CUX1: variants seen among roughly 807,000 people sequenced by gnomAD.
CUX1 encodes cut like homeobox 1.
Under a neutral mutation model 158.8 loss-of-function variants are expected in CUX1, and 31 were observed. The observed-to-expected ratio is 0.20, with a 90% CI of 0.15 to 0.26. The LOEUF is 0.26. Ranked by LOEUF, CUX1 falls within the 10% of genes least tolerant of loss-of-function variation. The pLI is 1.00. For missense variants in CUX1, 1,589 were observed against 2,014.6 expected (o/e 0.79, Z 4.04); for synonymous variants, 879 against 862.1 (o/e 1.02, Z -0.34).
chr7:102,080,809 C>G (rs1215352451), intron 4 of CUX1, among the ~76,000 whole-genome samples: 1 of 152,186 alleles, frequency 6.6e-6, no homozygotes, highest in Non-Finnish European at 1.5e-5. Context: ...ACCAGCACTT[C>G]CTTCAGAGTG....
chr7:101,925,454 G>C (rs187702402), intron 2 of CUX1, among the ~76,000 whole-genome samples: 1 of 152,294 alleles, frequency 6.6e-6, no homozygotes. Context: ...GGGGTGAGGG[G>C]ATAGAGGAAT....
rs1433869174 is a variant in CUX1, at chr7:102,255,630, G to A, written c.*6588G>A. 1.0e-6 allele frequency: 1 copy of A among 985,228 alleles called. No individual in the cohort carries two copies. The highest frequency in any genetic ancestry group is 1.7e-5 in the African/African-American group (1 of 57,200). The allele number at this position is 985,228 out of a possible 1,614,324, so 61.0% of individuals were successfully genotyped here. A position where few individuals can be genotyped will look rare whatever the true frequency, so the allele number is the denominator to read the frequency against. On this transcript the variant is annotated 3_prime_UTR_variant, in exon 24 of 24. Transcript: ENST00000292535. ...CTATATGCTATGTATCAAGCTTTCT[G>A]TAATCAGAAAGAAAAGGTGCCTTAT...
In CUX1 at chr7:101,865,790, CAGGCACAATGGT is replaced by C. The variant is rs1349814841; in HGVS notation, c.30+48125_30+48136del. ...CGTTTTATGGTTTGTTGAGTGAAAG[CAGGCACAATGGT>C]AGGTAGTGGGTACTGGAGCAAATGA... is the stretch of plus-strand genomic sequence containing the variant. On this transcript the variant is annotated intron_variant, in intron 1 of 23. Transcript: ENST00000292535. 9.8e-5 allele frequency among the ~76,000 whole-genome samples: 15 copies of C among 152,332 alleles called. No individual in the cohort carries two copies. In the East Asian group the frequency reaches 2.3e-3, roughly 23 times the overall value.
At chr7:101,839,910 C>T (rs1374051020) in intron 1 of CUX1, among the ~76,000 whole-genome samples, 5 of 152,064 alleles carry the variant, frequency 3.3e-5, no homozygotes, top group Admixed American at 1.3e-4. Flanking sequence ...TACAGGCATG[C>T]GCCACCACAC....
intron 10 of CUX1, among the ~76,000 whole-genome samples, chr7:102,174,736 G>T (rs1792116071): frequency 6.6e-6 from 1 of 152,196 alleles, no homozygotes; most frequent in Non-Finnish European, 1.5e-5. Context: ...ACAAGGTCAG[G>T]AGTTCGAGAC....
chr7:102,272,037 A>T (rs1300879187), intron 14 of CUX1, among the ~76,000 whole-genome samples: 2 of 152,154 alleles, frequency 1.3e-5, no homozygotes, highest in Non-Finnish European at 2.9e-5. Context: ...AATAAAATAA[A>T]ATAAATCCAT....
intron 9 of CUX1, among the ~76,000 whole-genome samples, chr7:102,158,944 C>T (rs539837806): frequency 1.2e-4 from 19 of 152,354 alleles, no homozygotes; most frequent in Middle Eastern, 6.8e-3. Flanking sequence ...GTAGACATCT[C>T]ACCATGGAAT....
chr7:102,097,222 G>A, intron 4 of CUX1, 142 bp from the exon 5 acceptor site: 1 of 963,844 alleles, frequency 1.0e-6, no homozygotes, highest in Non-Finnish European at 1.5e-6. Context: ...CAGCAAGGGG[G>A]CTGGCTGCAG....
intron 20 of CUX1, among the ~76,000 whole-genome samples, chr7:102,217,935 G>A (rs1326917820): frequency 6.6e-6 from 1 of 152,146 alleles, no homozygotes; most frequent in Non-Finnish European, 1.5e-5. Context: ...AGAGAGGGAG[G>A]CTCCGGATGG....
At chr7:102,134,816 A>C (rs1353517056) in intron 8 of CUX1, among the ~76,000 whole-genome samples, 1 of 151,694 alleles carries the variant, frequency 6.6e-6, no homozygotes, top group Non-Finnish European at 1.5e-5. Flanking sequence ...GGCTGGTCTC[A>C]AACTCCTGGG....
chr7:102,124,027 G>T (rs1832349480), intron 8 of CUX1, among the ~76,000 whole-genome samples: 1 of 152,150 alleles, frequency 6.6e-6, no homozygotes. Flanking sequence ...TTCACAGACT[G>T]TCACCTGGGT....
Position 102,204,413 on chromosome 7 carries a change from G to C in CUX1, c.2930G>C (p.Ser977Thr). 6.2e-7 allele frequency: 1 copy of C among 1,613,558 alleles called. No individual in the cohort carries two copies. Among genetic ancestry groups the C allele is most frequent in the Non-Finnish European group, 8.5e-7 (1 of 1,180,026 alleles). ...CAGGTGCTGGGCCTGTCCCAGGGCA[G>C]CGTCAGCGACATGCTGTCCCGACCG... is the stretch of plus-strand genomic sequence containing the variant. ...GEKVLGLSQG[S>T]VSDMLSRPKP... Residue 977 changes from serine to threonine, a missense_variant, in exon 19 of 24, where the codon AGC becomes ACC. Physicochemically the swap from Ser to Thr is moderately conservative, Grantham distance 58. Around this residue, in one of 8 missense-constraint regions of CUX1, gnomAD observed 29 missense variants for 66.6 expected, o/e 0.44. Coordinates refer to ENST00000292535, the MANE Select transcript of CUX1 (RefSeq NM_181552.4).
At chr7:102,205,517 T>C (rs1346954256) in intron 20 of CUX1, among the ~76,000 whole-genome samples, 1 of 152,098 alleles carries the variant, frequency 6.6e-6, no homozygotes, top group African/African-American at 2.4e-5. Flanking sequence ...CACGTCCCTC[T>C]CCTGGTGGGG....
chr7:101,850,446 C>G (rs899967512), intron 1 of CUX1, among the ~76,000 whole-genome samples: 6 of 112,600 alleles, frequency 5.3e-5, no homozygotes, highest in Non-Finnish European at 1.0e-4. Flanking sequence ...TTTTTTGAGA[C>G]AGGGTCTCTC....
At chr7:101,876,743 A>G (rs4729758) in intron 1 of CUX1, among the ~76,000 whole-genome samples, 57,850 of 151,990 alleles carry the variant, frequency 0.38, 12,269 homozygotes, top group East Asian at 0.85. Flanking sequence ...GATAGTTAAT[A>G]TATATATACA....
intron 2 of CUX1, among the ~76,000 whole-genome samples, chr7:101,965,450 T>C (rs1215192844): frequency 1.3e-5 from 2 of 151,740 alleles, no homozygotes. Flanking sequence ...GGCATGGTGG[T>C]GGGGGAAGGG....
chr7:101,966,397 A>G (rs182314109), intron 2 of CUX1, among the ~76,000 whole-genome samples: 9 of 151,956 alleles, frequency 5.9e-5, no homozygotes, highest in South Asian at 2.1e-4. Context: ...ATTTGCAACA[A>G]TTAATACAGT....
chr7:101,855,577 A>C (rs550851934), intron 1 of CUX1, among the ~76,000 whole-genome samples: 1 of 152,250 alleles, frequency 6.6e-6, no homozygotes, highest in Non-Finnish European at 1.5e-5. Flanking sequence ...TGTTCTCCCC[A>C]TGTGTTAAAA....
At chr7:102,282,785 C>A (rs782661472) in intron 22 of CUX1, 1 of 1,608,462 alleles carries the variant, frequency 6.2e-7, no homozygotes, top group Non-Finnish European at 8.5e-7. Context: ...AAGTGAGGAC[C>A]CCCACTTGGG....
Sources: allele counts gnomAD v4.1 joint callset (sites outside exome capture counted in the v4.1 genomes callset), GRCh38; gene constraint gnomAD v4.1.1; regional missense constraint gnomAD v4.1.1; transcripts MANE v1.5; gene names NCBI Gene and HGNC (gene_info 2026-07-23, HGNC 2026-07-21).